Variants in ITGAL observed in about 807,000 individuals in gnomAD.
ITGAL encodes the protein integrin alpha-L.
In ITGAL, 68 loss-of-function variants were observed where a neutral mutation model predicts 138.4. The observed-to-expected ratio is 0.49, with a 90% CI of 0.40 to 0.60. ITGAL has a LOEUF of 0.60. Ranked by LOEUF, ITGAL falls within the 20% of genes least tolerant of loss-of-function variation. The pLI is 0.00. For synonymous variants in ITGAL, 561 were observed against 584.3 expected (o/e 0.96, Z 0.57); for missense variants, 1,256 against 1,478.6 (o/e 0.85, Z 2.47).
chr16:30,507,792 T>C (rs974500360), intron 21 of ITGAL, among the ~76,000 whole-genome samples: 13 of 152,124 alleles, frequency 8.5e-5, no homozygotes, highest in Admixed American at 1.3e-4. Flanking sequence ...CGGCCAAATT[T>C]CCTTCCTTTT....
At chr16:30,502,499 C>CA (rs1191092024) in intron 17 of ITGAL, among the ~76,000 whole-genome samples, 1 of 151,370 alleles carries the variant, frequency 6.6e-6, no homozygotes, top group Non-Finnish European at 1.5e-5. Flanking sequence ...GTAATCCCAG[C>CA]ACTTTGGGAG....
At chr16:30,479,576 A>G (rs1396644837) in intron 6 of ITGAL, 115 bp downstream of exon 6, 3 of 982,366 alleles carry the variant, frequency 3.1e-6, no homozygotes, top group Non-Finnish European at 4.5e-6. Flanking sequence ...GGGCATGGCT[A>G]TAACTGGGCC....
Position 30,499,501 on chromosome 16 carries a change from A to C in ITGAL, c.2145+12A>C. ...CATTTCATTTCCCGGTAAGGGAGCC[A>C]GCGCCAATGCTCTGGGATGAGCTAC... is the stretch of plus-strand genomic sequence containing the variant. On this transcript the variant is annotated intron_variant, in intron 17 of 30. Coordinates refer to ENST00000356798, the MANE Select transcript of ITGAL (RefSeq NM_002209.3). 6.2e-7 allele frequency: 1 copy of C among 1,612,926 alleles called. No homozygotes were observed. Among genetic ancestry groups the C allele is most frequent in the Non-Finnish European group, 8.5e-7 (1 of 1,179,778 alleles).
intron 18 of ITGAL, 101 bp from the exon 19 acceptor site, chr16:30,505,142 GC>G: frequency 8.4e-7 from 1 of 1,191,860 alleles, no homozygotes; most frequent in Non-Finnish European, 1.1e-6. Context: ...ACCACAGCCA[GC>G]CCAGTTGAGC....
At chr16:30,506,953 G>A (rs541175588) in intron 21 of ITGAL, 97 bp downstream of exon 21, 39 of 1,358,770 alleles carry the variant, frequency 2.9e-5, no homozygotes, top group Non-Finnish European at 3.9e-5. Flanking sequence ...GAACACATGG[G>A]CAGCTGCGGG....
At chr16:30,497,756 G>T (rs936550466) in intron 15 of ITGAL, among the ~76,000 whole-genome samples, 1 of 151,382 alleles carries the variant, frequency 6.6e-6, no homozygotes, top group Non-Finnish European at 1.5e-5. Context: ...TAGGATTACA[G>T]AGTGAGCCAC....
intron 18 of ITGAL, 61 bp downstream of exon 18, chr16:30,504,325 A>G (rs757560814): frequency 1.9e-4 from 251 of 1,321,766 alleles, no homozygotes; most frequent in Admixed American, 3.5e-4. Flanking sequence ...TGGCAAGAAG[A>G]GCCGCCCATG....
intron 7 of ITGAL, 135 bp downstream of exon 7, chr16:30,481,719 C>T (rs1480512920): frequency 6.9e-6 from 5 of 722,010 alleles, no homozygotes; most frequent in Non-Finnish European, 9.4e-6. Context: ...TGAAGTGGAA[C>T]AATTTTACTG....
chr16:30,519,551 G>A (rs1267159120), intron 29 of ITGAL, among the ~76,000 whole-genome samples: 1 of 152,186 alleles, frequency 6.6e-6, no homozygotes, highest in African/African-American at 2.4e-5. Context: ...TGGCTAACAG[G>A]CAGAGGGGAG....
intron 18 of ITGAL, among the ~76,000 whole-genome samples, chr16:30,504,554 T>G (rs1263449464): frequency 3.3e-5 from 5 of 151,030 alleles, no homozygotes; most frequent in African/African-American, 1.2e-4. Context: ...CATAAAAAAT[T>G]AGTTATTGTG....
In ITGAL at chr16:30,474,206, G is replaced by C. The variant is rs1375578375; in HGVS notation, c.72G>C (p.Ser24=). 6.2e-7 allele frequency: 1 copy of C among 1,604,136 alleles called. No individual in the cohort carries two copies. Among genetic ancestry groups the C allele is most frequent in the Non-Finnish European group, 8.5e-7 (1 of 1,175,780 alleles). ...LSGFFFFAPA[S]SYNLDVRGAR... ...CCTTGCCTTCCTCAGCGCCGGCCTC[G>C]AGCTACAACCTGGACGTGCGGGGCG... Residue 24 remains serine, a synonymous_variant, in exon 2 of 31, where the codon TCG becomes TCC. Transcript: ENST00000356798.
intron 4 of ITGAL, among the ~76,000 whole-genome samples, chr16:30,478,525 C>G (rs1333932449): frequency 6.6e-6 from 1 of 151,386 alleles, no homozygotes; most frequent in Non-Finnish European, 1.5e-5. Flanking sequence ...GGTGAAACCC[C>G]GTCTCTGCTA....
Position 30,521,968 on chromosome 16 carries a change from C to T in ITGAL, c.*303C>T, listed in dbSNP as rs980177539. ...AATGTCTGATCTAAATGTGGAGAAA[C>T]TGTAGTCTCAGGACCTAGGGATGTT... is the stretch of plus-strand genomic sequence containing the variant. On this transcript the variant is annotated 3_prime_UTR_variant, in exon 31 of 31. Transcript: ENST00000356798. 1 of 332,454 alleles carries T rather than the reference C, an allele frequency of 3.0e-6. No individual in the cohort carries two copies. Among genetic ancestry groups the T allele is most frequent in the African/African-American group, 2.1e-5 (1 of 47,396 alleles). 20.6% of individuals were successfully genotyped at this position (332,454 alleles called of 1,614,324 possible). A position where few individuals can be genotyped will look rare whatever the true frequency, so the allele number is the denominator to read the frequency against.
In ITGAL at chr16:30,520,234, G is replaced by A. The variant is rs573326714; in HGVS notation, c.3339+267G>A. Among the ~76,000 whole-genome samples the A allele has an allele frequency of 3.3e-5, 5 of 152,248 alleles. No individual in the cohort carries two copies. In the South Asian group the frequency reaches 1.0e-3, roughly 32 times the overall value. Reference sequence around the variant, plus strand: ...GGATCACGTGAGCCTGGGAGTTCAAGACCCGCCTGGGCAACATGGAAAGCA... The same window carrying A: ...GGATCACGTGAGCCTGGGAGTTCAAAACCCGCCTGGGCAACATGGAAAGCA... On this transcript the variant is annotated intron_variant, in intron 30 of 30. Transcript: ENST00000356798.
At chr16:30,509,931 C>T (rs777844108) in intron 21 of ITGAL, among the ~76,000 whole-genome samples, 3 of 151,610 alleles carry the variant, frequency 2.0e-5, no homozygotes, top group Admixed American at 6.6e-5. Flanking sequence ...CCCAGCTACT[C>T]GGGAGGCTGA....
At chr16:30,492,259 T>C (rs2050733786) in intron 11 of ITGAL, among the ~76,000 whole-genome samples, 1 of 151,124 alleles carries the variant, frequency 6.6e-6, no homozygotes, top group African/African-American at 2.4e-5. Context: ...TTTTTTCTTT[T>C]TTTTTTTTTT....
intron 7 of ITGAL, 38 bp from the exon 8 acceptor site, chr16:30,483,789 T>A (rs770391637): frequency 6.3e-7 from 1 of 1,579,090 alleles, no homozygotes; most frequent in African/African-American, 1.4e-5. Context: ...AGGCCCTAGT[T>A]TGGGGGAGTC....
intron 21 of ITGAL, among the ~76,000 whole-genome samples, chr16:30,509,189 AAAAGAG>A (rs2051051450): frequency 2.0e-5 from 3 of 151,776 alleles, no homozygotes; most frequent in Non-Finnish European, 2.9e-5. Flanking sequence ...AAAAAAAAAA[AAAAGAG>A]AGAGAGAGAG....
chr16:30,478,371 G>C (rs573827446), intron 4 of ITGAL, among the ~76,000 whole-genome samples: 1 of 150,996 alleles, frequency 6.6e-6, no homozygotes, highest in East Asian at 2.0e-4. Flanking sequence ...AGAAAGTGGG[G>C]GGCGGAGGGG....
Sources: allele counts gnomAD v4.1 joint callset (sites outside exome capture counted in the v4.1 genomes callset), GRCh38; gene constraint gnomAD v4.1.1; transcripts MANE v1.5; gene names NCBI Gene and HGNC (gene_info 2026-07-23, HGNC 2026-07-21).